The following CYTH3 variants were observed in gnomAD, a reference collection of about 807,000 sequenced individuals.
CYTH3 encodes cytohesin-3.
Under a neutral mutation model 55.1 loss-of-function variants are expected in CYTH3, and 23 were observed. That is an observed-to-expected ratio of 0.42 (90% CI 0.30 to 0.59). The LOEUF is 0.59. Ranked by LOEUF, CYTH3 falls within the 20% of genes least tolerant of loss-of-function variation. The pLI is 0.20. For missense variants in CYTH3, 413 were observed against 524.8 expected (o/e 0.79, Z 2.08); for synonymous variants, 249 against 194.9 (o/e 1.28, Z -2.31).
Position 6,187,691 on chromosome 7 carries a change from T to C in CYTH3, c.148A>G (p.Thr50Ala). Reference sequence around the variant, plus strand: ...ACGGAAGTTAGATTGTCGATCTCTGTCATCACCTCTGCAATTTCATATTTC... The same window carrying C: ...ACGGAAGTTAGATTGTCGATCTCTGCCATCACCTCTGCAATTTCATATTTC... ...RLKYEIAEVM[T>A]EIDNLTSVEE... Residue 50 changes from threonine (T) to alanine (A), a missense_variant, in exon 3 of 13, where the codon ACA (threonine) becomes GCA (alanine). Physicochemically the swap from Thr to Ala is moderately conservative, Grantham distance 58. Transcript: ENST00000350796. 8.1e-6 allele frequency: 13 copies of C among 1,614,172 alleles called. No individual in the cohort carries two copies. Among genetic ancestry groups the C allele is most frequent in the South Asian group, 1.1e-5 (1 of 91,084 alleles).
intron 1 of CYTH3, among the ~76,000 whole-genome samples, 158 bp downstream of exon 1, chr7:6,272,316 C>G (rs1296161144): frequency 6.6e-6 from 1 of 151,636 alleles, no homozygotes; most frequent in South Asian, 2.1e-4. Context: ...AGCCTCGGCC[C>G]TGGCCCGGCG....
rs1400385323 is a variant in CYTH3 at position 6,163,634 on chromosome 7, G to C, written c.*1310C>G. ...TCCACAGCAACCTGACAACCTCCCA[G>C]GCGGGCGTGGAGTTTGACCAGTTCC... On this transcript the variant is annotated 3_prime_UTR_variant, in exon 13 of 13. Coordinates refer to ENST00000350796, the MANE Select transcript of CYTH3 (RefSeq NM_004227.4). 6.6e-6 allele frequency: 1 copy of C among 152,324 alleles called. No individual in the cohort carries two copies. Among genetic ancestry groups the C allele is most frequent in the Admixed American group, 6.5e-5 (1 of 15,276 alleles). 9.4% of individuals were successfully genotyped at this position (152,324 alleles called of 1,614,324 possible).
intron 1 of CYTH3, among the ~76,000 whole-genome samples, chr7:6,191,399 G>A (rs1020059263): frequency 3.3e-5 from 5 of 152,078 alleles, no homozygotes; most frequent in Non-Finnish European, 5.9e-5. Flanking sequence ...AAACAGACTG[G>A]ACTCTTCAAT....
chr7:6,238,410 T>C (rs1407718266), intron 1 of CYTH3, among the ~76,000 whole-genome samples: 1 of 152,184 alleles, frequency 6.6e-6, no homozygotes, highest in Non-Finnish European at 1.5e-5. Context: ...AAAGAAATGA[T>C]GGCTAACAAA....
chr7:6,174,405 G>A (rs891803918), intron 5 of CYTH3, among the ~76,000 whole-genome samples: 1 of 151,856 alleles, frequency 6.6e-6, no homozygotes, highest in African/African-American at 2.4e-5. Context: ...GTGAGCCACG[G>A]CACCTGCCTG....
intron 1 of CYTH3, among the ~76,000 whole-genome samples, chr7:6,235,391 C>A (rs932484250): frequency 6.6e-6 from 1 of 151,268 alleles, no homozygotes; most frequent in African/African-American, 2.4e-5. Context: ...GCAAGAGAAT[C>A]GCTTGAACCT....
At chr7:6,184,245 A>G (rs1006929413) in intron 4 of CYTH3, among the ~76,000 whole-genome samples, 3 of 151,432 alleles carry the variant, frequency 2.0e-5, no homozygotes, top group African/African-American at 4.9e-5. Context: ...TATTTTCAGT[A>G]GAAACGGGGT....
At chr7:6,180,162 G>A (rs1287908856) in intron 4 of CYTH3, among the ~76,000 whole-genome samples, 1 of 152,158 alleles carries the variant, frequency 6.6e-6, no homozygotes, top group Non-Finnish European at 1.5e-5. Flanking sequence ...TCATCTCTGG[G>A]GCTACAGGGC....
chr7:6,165,958 A>G, intron 9 of CYTH3, 148 bp from the exon 10 acceptor site: 1 of 738,618 alleles, frequency 1.4e-6, no homozygotes, highest in South Asian at 1.8e-5. Flanking sequence ...CAGCGTTCCC[A>G]CCGCAGGGCC....
intron 6 of CYTH3, chr7:6,173,017 G>A (rs1327787850): frequency 2.3e-5 from 25 of 1,078,496 alleles, no homozygotes; most frequent in East Asian, 1.8e-4. Context: ...TCCAAGGGCC[G>A]GCTGAGGCGA....
chr7:6,250,675 T>C (rs1270618936), intron 1 of CYTH3, among the ~76,000 whole-genome samples: 2 of 152,156 alleles, frequency 1.3e-5, no homozygotes, highest in Non-Finnish European at 2.9e-5. Context: ...CTGCCAGGGG[T>C]TGCAGAGGAG....
intron 12 of CYTH3, 44 bp from the exon 13 acceptor site, chr7:6,165,060 C>G (rs1273771369): frequency 6.2e-7 from 1 of 1,611,330 alleles, no homozygotes; most frequent in African/African-American, 1.3e-5. Context: ...GTGGGTGACA[C>G]ACAGACCTCC....
chr7:6,196,700 A>T (rs1356743371), intron 1 of CYTH3, among the ~76,000 whole-genome samples: 2 of 152,074 alleles, frequency 1.3e-5, no homozygotes, highest in Non-Finnish European at 2.9e-5. Context: ...ACCTCAGGTG[A>T]TCCACCCACC....
At chr7:6,224,716 C>T (rs543554205) in intron 1 of CYTH3, among the ~76,000 whole-genome samples, 1 of 152,122 alleles carries the variant, frequency 6.6e-6, no homozygotes, top group Non-Finnish European at 1.5e-5. Flanking sequence ...CGTATATACC[C>T]AAAGAGCTGA....
chr7:6,173,116 G>A (rs1583739184), intron 6 of CYTH3: 12 of 973,050 alleles, frequency 1.2e-5, no homozygotes, highest in African/African-American at 5.3e-5. Context: ...GAGCCCACGC[G>A]ACTCAGCCAG....
At chr7:6,245,703 G>A (rs1024585401) in intron 1 of CYTH3, among the ~76,000 whole-genome samples, 11 of 152,198 alleles carry the variant, frequency 7.2e-5, no homozygotes, top group African/African-American at 2.4e-4. Flanking sequence ...TCAGGACTTG[G>A]AGACCAGCCT....
At chr7:6,236,934 A>G (rs1479721982) in intron 1 of CYTH3, among the ~76,000 whole-genome samples, 2 of 152,194 alleles carry the variant, frequency 1.3e-5, no homozygotes, top group African/African-American at 2.4e-5. Context: ...CAAAATTTAC[A>G]AATTTCCCAA....
chr7:6,179,947 T>C (rs992961507), intron 4 of CYTH3, among the ~76,000 whole-genome samples: 17 of 147,738 alleles, frequency 1.2e-4, no homozygotes, highest in Admixed American at 1.0e-3. Flanking sequence ...ACACACACAG[T>C]AGCAATGCAG....
chr7:6,204,325 T>C (rs2128547538), intron 1 of CYTH3, among the ~76,000 whole-genome samples: 1 of 152,320 alleles, frequency 6.6e-6, no homozygotes, highest in South Asian at 2.1e-4. Flanking sequence ...GCTCAATCTC[T>C]GGAGGTGCCT....
Sources: allele counts gnomAD v4.1 joint callset (sites outside exome capture counted in the v4.1 genomes callset), GRCh38; gene constraint gnomAD v4.1.1; transcripts MANE v1.5; gene names NCBI Gene and HGNC (gene_info 2026-07-23, HGNC 2026-07-21).